Variants in NRXN3 observed in about 807,000 individuals in gnomAD.
The protein encoded by NRXN3 is neurexin III.
NRXN3 carries 32 observed loss-of-function variants against 137.6 expected under a neutral mutation model. The observed-to-expected ratio is 0.23, with a 90% CI of 0.18 to 0.31. The LOEUF (loss-of-function observed/expected upper bound fraction) is 0.31. Among genes scored for constraint, NRXN3 ranks in the 10% least tolerant of loss-of-function variants. The pLI is 1.00. For synonymous variants in NRXN3, 798 were observed against 784.5 expected (o/e 1.02, Z -0.29); for missense variants, 1,574 against 2,062.5 (o/e 0.76, Z 4.59).
intron 15 of NRXN3, among the ~76,000 whole-genome samples, chr14:79,353,661 TG>T (rs2093314605): frequency 1.3e-5 from 2 of 152,308 alleles, no homozygotes; most frequent in South Asian, 4.1e-4. Context: ...CACTGATTCT[TG>T]GACAACTACT....
intron 4 of NRXN3, among the ~76,000 whole-genome samples, chr14:78,489,471 C>G (rs1274288945): frequency 6.6e-6 from 1 of 151,992 alleles, no homozygotes; most frequent in Non-Finnish European, 1.5e-5. Flanking sequence ...ATGTTGTATG[C>G]AGCTAGGGAC....
chr14:79,301,116 G>A (rs191439228), intron 15 of NRXN3, among the ~76,000 whole-genome samples: 103 of 151,938 alleles, frequency 6.8e-4, no homozygotes, highest in African/African-American at 2.1e-3. Flanking sequence ...CCTATATAAC[G>A]TTTAATATGC....
At chr14:79,288,605 G>T (rs2082666099) in intron 15 of NRXN3, among the ~76,000 whole-genome samples, 1 of 152,196 alleles carries the variant, frequency 6.6e-6, no homozygotes, top group Non-Finnish European at 1.5e-5. Flanking sequence ...TTAAAGCCAG[G>T]ATTCAAACCT....
intron 1 of NRXN3, among the ~76,000 whole-genome samples, chr14:78,192,681 G>A (rs1217207410): frequency 6.6e-6 from 1 of 152,110 alleles, no homozygotes. Flanking sequence ...GGGTGTTGAT[G>A]TGAGGAGCCA....
intron 15 of NRXN3, among the ~76,000 whole-genome samples, chr14:79,027,344 C>T (rs1363181445): frequency 6.6e-6 from 1 of 151,980 alleles, no homozygotes; most frequent in Non-Finnish European, 1.5e-5. Flanking sequence ...GTGAGTTATT[C>T]CATCTGGTTG....
At chr14:79,858,969 T>C (rs553965016) in intron 20 of NRXN3, among the ~76,000 whole-genome samples, 2 of 120,222 alleles carry the variant, frequency 1.7e-5, no homozygotes, top group African/African-American at 3.2e-5. Flanking sequence ...TTATATATGT[T>C]CACAATGTAA....
intron 4 of NRXN3, among the ~76,000 whole-genome samples, chr14:78,473,800 G>C (rs1186241011): frequency 6.6e-6 from 1 of 152,232 alleles, no homozygotes; most frequent in Admixed American, 6.5e-5. Context: ...TGGATGGTGA[G>C]TTGGTGCTGG....
intron 15 of NRXN3, among the ~76,000 whole-genome samples, chr14:79,451,928 G>A (rs1000901584): frequency 5.9e-5 from 9 of 152,146 alleles, no homozygotes; most frequent in Admixed American, 2.0e-4. Context: ...AGCAGACCCA[G>A]CGTTCAAATG....
At chr14:79,676,284 T>C (rs1177067870) in intron 17 of NRXN3, among the ~76,000 whole-genome samples, 1 of 152,072 alleles carries the variant, frequency 6.6e-6, no homozygotes, top group Non-Finnish European at 1.5e-5. Flanking sequence ...CTATCAGTTT[T>C]TATAGATGTG....
At chr14:79,488,318 G>T (rs370945438) in intron 16 of NRXN3, among the ~76,000 whole-genome samples, 4 of 152,298 alleles carry the variant, frequency 2.6e-5, no homozygotes, top group African/African-American at 9.6e-5. Flanking sequence ...ACTTGTGACA[G>T]TTTTTTTATA....
intron 1 of NRXN3, among the ~76,000 whole-genome samples, chr14:78,182,530 C>T (rs1053171538): frequency 2.0e-5 from 3 of 152,328 alleles, no homozygotes; most frequent in African/African-American, 4.8e-5. Flanking sequence ...AATGCAATGG[C>T]GCGATCTTGG....
In NRXN3 at chr14:78,967,184, GTT is replaced by G. The variant is rs10603296; in HGVS notation, c.2778-10_2778-9del. ...CCACTTCGGGGATTTTCCAATTATTGTTTTTTTTTTTTTTTCTTCCTAGGTAT... is the reference window on the plus strand; with the variant it reads ...CCACTTCGGGGATTTTCCAATTATTGTTTTTTTTTTTTTCTTCCTAGGTAT... On this transcript the variant is annotated intron_variant, in intron 12 of 20. Transcript: ENST00000335750. The G allele has an allele frequency of 0.1, 146,786 of 1,406,184 alleles. 6,067 individuals carry two copies. Among genetic ancestry groups the G allele is most frequent in the African/African-American group, 0.44 (29,726 of 68,312 alleles). The allele number at this position is 1,406,184 out of a possible 1,614,324, so 87.1% of individuals were successfully genotyped here. A position where few individuals can be genotyped will look rare whatever the true frequency, so the allele number is the denominator to read the frequency against.
intron 15 of NRXN3, among the ~76,000 whole-genome samples, chr14:79,132,952 A>T (rs2057750131): frequency 6.6e-6 from 1 of 152,170 alleles, no homozygotes; most frequent in African/African-American, 2.4e-5. Flanking sequence ...CATCATCAAC[A>T]GGTCATTGAA....
At chr14:78,706,563 G>A (rs1033828054) in intron 6 of NRXN3, among the ~76,000 whole-genome samples, 2 of 152,136 alleles carry the variant, frequency 1.3e-5, no homozygotes, top group African/African-American at 4.8e-5. Context: ...TATCAGCTGT[G>A]TGCCTGTGGG....
intron 15 of NRXN3, among the ~76,000 whole-genome samples, chr14:79,438,965 T>C (rs2095887204): frequency 1.3e-5 from 2 of 152,264 alleles, no homozygotes; most frequent in South Asian, 4.1e-4. Context: ...TACCCTGATG[T>C]TTGGCATGGG....
chr14:78,550,657 G>T lies in NRXN3; in HGVS notation c.758-94463G>T, dbSNP rs564889626. On this transcript the variant is annotated intron_variant, in intron 4 of 20. Transcript: ENST00000335750. ...TTCTACATAAGGGACTGGAAGCTCT[G>T]CCCGGGATGTATGAGGGCAATCTTG... is the stretch of plus-strand genomic sequence containing the variant. Among the ~76,000 whole-genome samples, 3 of 152,226 alleles carry T rather than the reference G, an allele frequency of 2.0e-5. 1 individual carries two copies. In the South Asian group the frequency reaches 6.2e-4, roughly 32 times the overall value.
intron 15 of NRXN3, among the ~76,000 whole-genome samples, chr14:79,278,955 G>A (rs1051072003): frequency 2.6e-5 from 4 of 152,218 alleles, no homozygotes; most frequent in Non-Finnish European, 4.4e-5. Context: ...CTGCCTCAAG[G>A]GGTTTATTTT....
chr14:79,440,798 T>C (rs372805089), intron 15 of NRXN3, among the ~76,000 whole-genome samples: 62 of 152,332 alleles, frequency 4.1e-4, no homozygotes, highest in African/African-American at 1.4e-3. Flanking sequence ...CTCAGTACGA[T>C]TATTTACGGT....
chr14:78,484,011 CACACACACACACACACAGAGAGAG>C (rs1180039877), intron 4 of NRXN3, among the ~76,000 whole-genome samples: 2 of 132,264 alleles, frequency 1.5e-5, no homozygotes, highest in East Asian at 4.8e-4. Context: ...CACACACACA[CACACACACACACACACAGAGAGAG>C]AGAGAGAGAG....
Sources: gnomAD v4.1 joint callset for allele counts (sites outside exome capture counted in the v4.1 genomes callset) on GRCh38, gnomAD v4.1.1 for gene constraint, MANE v1.5 for transcripts, NCBI Gene and HGNC (gene_info 2026-07-23, HGNC 2026-07-21) for gene names.